Variants in TRAFD1 observed in about 807,000 individuals in gnomAD.
TRAFD1 encodes the protein TRAF-type zinc finger domain containing 1.
In TRAFD1, 38 loss-of-function variants were observed where a neutral mutation model predicts 65.3. That is an observed-to-expected ratio of 0.58 (90% CI 0.45 to 0.76). TRAFD1 has a LOEUF of 0.76. Among genes scored for constraint, TRAFD1 ranks in the 30% least tolerant of loss-of-function variants. The probability of loss-of-function intolerance (pLI) is 0.00; values close to 1 mark genes in which losing one functional copy is unlikely to be tolerated. For synonymous variants in TRAFD1, 223 were observed against 257.2 expected, an observed-to-expected ratio of 0.87 and a Z score of 1.27; for missense variants, 631 against 712.6, an observed-to-expected ratio of 0.89 and a Z score of 1.30.
Position 112,153,508 on chromosome 12 carries a change from A to G in TRAFD1, c.*717A>G, listed in dbSNP as rs1444218148. The G allele has an allele frequency of 1.3e-5, 2 of 152,088 alleles. No individual in the cohort carries two copies. Among genetic ancestry groups the G allele is most frequent in the Admixed American group, 6.6e-5 (1 of 15,260 alleles). The allele number at this position is 152,088 out of a possible 1,614,324, so 9.4% of individuals were successfully genotyped here. ...GCCCCAGCCCCACACTTGCTCTGAA[A>G]ACCAAGTGTCAGAGCCCCTTCCCCT... On this transcript the variant is annotated 3_prime_UTR_variant, in exon 12 of 12. Coordinates refer to ENST00000412615, the MANE Select transcript of TRAFD1 (RefSeq NM_006700.3).
chr12:112,136,053 C>A (rs150694055), intron 4 of TRAFD1, among the ~76,000 whole-genome samples: 2,135 of 150,350 alleles, frequency 0.014, 30 homozygotes, highest in Non-Finnish European at 0.018. Context: ...CGCTTGAATC[C>A]GGAAGGCAGA....
chr12:112,139,915 T>C lies in TRAFD1; in HGVS notation c.238-904T>C, dbSNP rs150428675. Among the ~76,000 whole-genome samples the C allele has an allele frequency of 1.2e-4, 18 of 152,094 alleles. No individual in the cohort carries two copies. The East Asian group carries it at 2.9e-3, about 25-fold the overall frequency. ...AACTCAGGAAGCTGAGGCACAAGGA[T>C]TGCTTGAACCCGAGAGGTGAAGGTT... On this transcript the variant is annotated intron_variant, in intron 4 of 11. Coordinates refer to ENST00000412615, the MANE Select transcript of TRAFD1 (RefSeq NM_006700.3).
In TRAFD1 at chr12:112,141,121, G is replaced by A. The variant is rs2136975623; in HGVS notation, c.540G>A (p.Arg180=). 1 of 1,614,184 alleles carries A rather than the reference G, an allele frequency of 6.2e-7. No individual in the cohort carries two copies. The highest frequency in any genetic ancestry group is 8.5e-7 in the Non-Finnish European group (1 of 1,180,026). ...TTGAGGCTCTGGACCCACCCATGAG[G>A]CTGCCGCGAAGGCCCCTGAGAGCCT... The part of the protein sequence containing the change: ...RQIEALDPPM[R]LPRRPLRAFE... The change falls in exon 5 of 12, where the codon AGG becomes AGA. Residue 180 remains arginine (R), a synonymous_variant. Transcript: ENST00000412615.
At position 112,152,455 on chromosome 12, in the gene TRAFD1, C is replaced by T. The variant is rs771826384; in HGVS notation, c.1648C>T (p.Arg550Trp). 29 of 1,613,572 alleles carry T rather than the reference C, an allele frequency of 1.8e-5. No individual in the cohort carries two copies. The highest frequency in any genetic ancestry group is 6.7e-5 in the East Asian group (3 of 44,892). The change falls in exon 11 of 12, where the codon CGG (arginine) becomes TGG (tryptophan). Residue 550 changes from arginine (R) to tryptophan (W), a missense_variant. Physicochemically the swap from Arg to Trp is moderately radical, Grantham distance 101. Coordinates refer to ENST00000412615, the MANE Select transcript of TRAFD1 (RefSeq NM_006700.3). The surrounding 1 kb of genome is among the most constrained non-coding windows in gnomAD (Gnocchi z 5.0). The stretch of plus-strand genomic sequence containing the variant: ...TAGGAGTGAAGGTGGCAGGAATTCC[C>T]GGGTCACCCCTGCAGCTGCCAACTA... ...SGRSEGGRNS[R>W]VTPAAANYRS...
chr12:112,135,126 C>G, intron 4 of TRAFD1, 60 bp downstream of exon 4: 1 of 1,593,100 alleles, frequency 6.3e-7, no homozygotes, highest in Non-Finnish European at 8.6e-7. Flanking sequence ...GACCCACATG[C>G]AGAGCAGGAA....
In TRAFD1 at chr12:112,137,605, A is replaced by G. The variant is rs2029943558; in HGVS notation, c.237+2539A>G. Among the ~76,000 whole-genome samples the G allele has an allele frequency of 6.6e-6, 1 of 151,982 alleles. No individual in the cohort carries two copies. The highest frequency in any genetic ancestry group is 1.5e-5 in the Non-Finnish European group (1 of 67,984). On this transcript the variant is annotated intron_variant, in intron 4 of 11. Coordinates refer to ENST00000412615, the MANE Select transcript of TRAFD1 (RefSeq NM_006700.3). The surrounding 1 kb of genome is among the most constrained non-coding windows in gnomAD (Gnocchi z 4.2). ...GTGAAACCCCGTCTCTACTAAAAATACATAAAATTAGCTGGGCGTGGTGGC... is the reference window on the plus strand; with the variant it reads ...GTGAAACCCCGTCTCTACTAAAAATGCATAAAATTAGCTGGGCGTGGTGGC...
In TRAFD1 at chr12:112,136,465, T is replaced by C. The variant is rs369640109; in HGVS notation, c.237+1399T>C. On this transcript the variant is annotated intron_variant, in intron 4 of 11. Coordinates refer to ENST00000412615, the MANE Select transcript of TRAFD1 (RefSeq NM_006700.3). The stretch of plus-strand genomic sequence containing the variant: ...TGGCTAATTTTTTTTGTATTTTTAG[T>C]AGAGACAGGATTTTGCCATGTTGGC... 2.6e-5 allele frequency among the ~76,000 whole-genome samples: 4 copies of C among 152,078 alleles called. 1 individual carries two copies. The South Asian group carries it at 8.3e-4, about 32-fold the overall frequency.
At position 112,137,070 on chromosome 12, in the gene TRAFD1, A is replaced by G. The variant is rs1393325248; in HGVS notation, c.237+2004A>G. Among the ~76,000 whole-genome samples, 1 of 151,918 alleles carries G rather than the reference A, an allele frequency of 6.6e-6. No homozygotes were observed. Among genetic ancestry groups the G allele is most frequent in the Non-Finnish European group, 1.5e-5 (1 of 67,976 alleles). ...AAACCCCGTCTCTACTAAAAATACAAAAATTAGCTGGGCGTGGATACGCAC... is the reference window on the plus strand; with the variant it reads ...AAACCCCGTCTCTACTAAAAATACAGAAATTAGCTGGGCGTGGATACGCAC... On this transcript the variant is annotated intron_variant, in intron 4 of 11. Transcript: ENST00000412615. The surrounding 1 kb of genome is among the most constrained non-coding windows in gnomAD (Gnocchi z 4.2).
intron 7 of TRAFD1, among the ~76,000 whole-genome samples, chr12:112,146,228 A>G (rs1163970487): frequency 1.4e-5 from 2 of 146,658 alleles, no homozygotes; most frequent in Non-Finnish European, 3.0e-5. Context: ...ATAACAGCAA[A>G]AAAAAAAAAA....
chr12:112,134,162 C>T (rs1224396664), intron 2 of TRAFD1, among the ~76,000 whole-genome samples: 1 of 151,478 alleles, frequency 6.6e-6, no homozygotes, highest in Non-Finnish European at 1.5e-5. Context: ...AGGCATGTGC[C>T]GCCACACCTG....
intron 7 of TRAFD1, 110 bp downstream of exon 7, chr12:112,145,772 T>C (rs1031013548): frequency 1.3e-5 from 12 of 922,454 alleles, no homozygotes; most frequent in Non-Finnish European, 1.7e-5. Flanking sequence ...ATGCCCATAG[T>C]AGGAATAGCA....
chr12:112,152,849 G>A lies in TRAFD1; in HGVS notation c.*58G>A, dbSNP rs917640571. 1.2e-4 allele frequency: 195 copies of A among 1,596,772 alleles called. No individual in the cohort carries two copies. The highest frequency in any genetic ancestry group is 1.5e-4 in the Non-Finnish European group (179 of 1,167,088). The stretch of plus-strand genomic sequence containing the variant: ...TCTTCTGTGCACAGCAGCACTTGCC[G>A]CTGTGCAGGCCCACCTCTTTGGCTC... On this transcript the variant is annotated 3_prime_UTR_variant, in exon 12 of 12. Coordinates refer to ENST00000412615, the MANE Select transcript of TRAFD1 (RefSeq NM_006700.3). This position sits in a 1 kb window ranked among gnomAD's most constrained non-coding sequence, Gnocchi z 5.0.
chr12:112,144,031 G>T (rs1201425721), intron 6 of TRAFD1, among the ~76,000 whole-genome samples: 1 of 151,998 alleles, frequency 6.6e-6, no homozygotes, highest in Non-Finnish European at 1.5e-5. Context: ...GCCCAGCATA[G>T]TTCCCTCTTT....
chr12:112,146,941 C>G (rs564137505), intron 7 of TRAFD1, among the ~76,000 whole-genome samples: 1 of 141,336 alleles, frequency 7.1e-6, no homozygotes, highest in East Asian at 2.1e-4. Flanking sequence ...GAATGATGAG[C>G]AAATAGCTTT....
At position 112,152,695 on chromosome 12, in the gene TRAFD1, T is replaced by A; in HGVS notation, c.1693-40T>A. 6.2e-7 allele frequency: 1 copy of A among 1,613,988 alleles called. No individual in the cohort carries two copies. The highest frequency in any genetic ancestry group is 1.1e-5 in the South Asian group (1 of 91,040). ...CAGGGGAGGAGTAATGCTTTTTCAC[T>A]TTTTATGTAAAGCTTCGTTTGTGTT... On this transcript the variant is annotated intron_variant, in intron 11 of 11. Coordinates refer to ENST00000412615, the MANE Select transcript of TRAFD1 (RefSeq NM_006700.3). The surrounding 1 kb of genome is among the most constrained non-coding windows in gnomAD (Gnocchi z 5.0).
Position 112,152,513 on chromosome 12 carries a change from C to T in TRAFD1, c.1692+14C>T, listed in dbSNP as rs755968463. The T allele has an allele frequency of 1.2e-6, 2 of 1,613,896 alleles. No homozygotes were observed. Among genetic ancestry groups the T allele is most frequent in the East Asian group, 4.5e-5 (2 of 44,876 alleles). On this transcript the variant is annotated intron_variant, in intron 11 of 11. Transcript: ENST00000412615. The surrounding 1 kb of genome is among the most constrained non-coding windows in gnomAD (Gnocchi z 5.0). Reference sequence around the variant, plus strand: ...AGAACTGCAAAGGTAAGGTGGGCTCCAGCCCATGATGCTCAGTGGGGGACT... The same window carrying T: ...AGAACTGCAAAGGTAAGGTGGGCTCTAGCCCATGATGCTCAGTGGGGGACT...
Position 112,130,512 on chromosome 12 carries a change from A to G in TRAFD1, c.-11A>G. On this transcript the variant is annotated splice_region_variant and 5_prime_UTR_variant, in exon 2 of 12. Transcript: ENST00000412615. The surrounding 1 kb of genome is among the most constrained non-coding windows in gnomAD (Gnocchi z 4.4). Reference sequence around the variant, plus strand: ...CATGTCTTCCTTTGTGGTTTTCAGGAAGAGCTAAAGATGGCTGAATTTCTA... The same window carrying G: ...CATGTCTTCCTTTGTGGTTTTCAGGGAGAGCTAAAGATGGCTGAATTTCTA... 6.2e-7 allele frequency: 1 copy of G among 1,612,472 alleles called. No homozygotes were observed. Among genetic ancestry groups the G allele is most frequent in the Non-Finnish European group, 8.5e-7 (1 of 1,179,066 alleles).
intron 6 of TRAFD1, among the ~76,000 whole-genome samples, chr12:112,142,980 C>T (rs1219353362): frequency 2.0e-5 from 3 of 149,748 alleles, no homozygotes; most frequent in African/African-American, 7.4e-5. Flanking sequence ...TGCAATGGCA[C>T]GATCTCGGCT....
intron 2 of TRAFD1, among the ~76,000 whole-genome samples, chr12:112,134,124 C>T (rs2079581508): frequency 6.6e-6 from 1 of 150,548 alleles, no homozygotes. Flanking sequence ...GATTCTCCTG[C>T]CTCAGCCTCC....
Sources: allele counts gnomAD v4.1 joint callset (sites outside exome capture counted in the v4.1 genomes callset), GRCh38; gene constraint gnomAD v4.1.1; non-coding constraint Gnocchi (gnomAD v3.1); transcripts MANE v1.5; gene names NCBI Gene and HGNC (gene_info 2026-07-23, HGNC 2026-07-21).